LDLRAD3: variants seen among roughly 807,000 people sequenced by gnomAD.
The protein encoded by LDLRAD3 is low density lipoprotein receptor class A domain containing 3.
Under a neutral mutation model 29.4 loss-of-function variants are expected in LDLRAD3, and 20 were observed. The observed-to-expected ratio is 0.68, with a 90% CI of 0.48 to 0.99. LDLRAD3 has a LOEUF of 0.99. LDLRAD3 is among the 50% of genes least tolerant of loss of function. The pLI, the probability that LDLRAD3 is intolerant of heterozygous loss-of-function variation, is 0.00. For missense variants in LDLRAD3, 420 were observed against 454.3 expected (o/e 0.92, Z 0.69); for synonymous variants, 157 against 192.7 (o/e 0.81, Z 1.53).
chr11:36,130,912 C>G (rs1853916631), intron 4 of LDLRAD3, among the ~76,000 whole-genome samples: 1 of 152,174 alleles, frequency 6.6e-6, no homozygotes, highest in Non-Finnish European at 1.5e-5. Flanking sequence ...TCATGGACTG[C>G]CTCCCATTCT....
chr11:36,130,275 C>T (rs1565244395), intron 4 of LDLRAD3, among the ~76,000 whole-genome samples: 1 of 151,972 alleles, frequency 6.6e-6, no homozygotes, highest in Non-Finnish European at 1.5e-5. Flanking sequence ...AGAGTCTTCC[C>T]GGTGGAGGGA....
intron 1 of LDLRAD3, among the ~76,000 whole-genome samples, chr11:36,006,086 A>T (rs773863986): frequency 1.1e-4 from 16 of 152,106 alleles, no homozygotes; most frequent in Non-Finnish European, 1.6e-4. Flanking sequence ...CCCACTATAG[A>T]TGCCCAGTCG....
chr11:36,186,563 C>A (rs757755120), intron 4 of LDLRAD3, among the ~76,000 whole-genome samples: 1 of 152,178 alleles, frequency 6.6e-6, no homozygotes, highest in Admixed American at 6.5e-5. Flanking sequence ...TGCCAAGAGA[C>A]ATGTGAGTTA....
In LDLRAD3 at chr11:36,227,183, C is replaced by A. The variant is rs1230889226; in HGVS notation, c.553C>A (p.Leu185Met). 1.4e-5 allele frequency: 23 copies of A among 1,614,048 alleles called. No individual in the cohort carries two copies. The highest frequency in any genetic ancestry group is 1.9e-5 in the Non-Finnish European group (23 of 1,180,024). ...AIIGSSVIFV[L>M]VVALLALVLH... ...CATCGGCAGCTCCGTCATTTTTGTG[C>A]TGGTGGTGGCCCTGCTGGCACTGGT... The change falls in exon 5 of 6, where the codon CTG becomes ATG. Residue 185 changes from leucine (L) to methionine (M), a missense_variant. By Grantham distance (15) the Leu-to-Met change is conservative. This residue lies in a region of LDLRAD3 where 56 missense variants were observed against 92.2 expected (regional missense o/e 0.61). Coordinates refer to ENST00000315571, the MANE Select transcript of LDLRAD3 (RefSeq NM_174902.4).
chr11:36,110,844 A>G (rs1853595540), intron 4 of LDLRAD3, among the ~76,000 whole-genome samples: 1 of 152,168 alleles, frequency 6.6e-6, no homozygotes, highest in Non-Finnish European at 1.5e-5. Context: ...GAGGCTGGCA[A>G]GGAGTGACAG....
intron 4 of LDLRAD3, among the ~76,000 whole-genome samples, chr11:36,209,969 G>C (rs1443365280): frequency 6.6e-6 from 1 of 152,246 alleles, no homozygotes; most frequent in Non-Finnish European, 1.5e-5. Context: ...GGAAGCCCAT[G>C]GCTAGGAGAG....
At chr11:36,107,891 A>G (rs186621553) in intron 4 of LDLRAD3, among the ~76,000 whole-genome samples, 176 of 152,336 alleles carry the variant, frequency 1.2e-3, no homozygotes, top group Non-Finnish European at 2.2e-3. Context: ...TGCCCAGGAG[A>G]CAAAGGCACG....
At chr11:36,068,861 A>G (rs1291055135) in intron 2 of LDLRAD3, among the ~76,000 whole-genome samples, 1 of 152,194 alleles carries the variant, frequency 6.6e-6, no homozygotes, top group East Asian at 1.9e-4. Context: ...TGACCTCTTA[A>G]CCCTAGGCTG....
intron 1 of LDLRAD3, among the ~76,000 whole-genome samples, chr11:35,981,098 G>A (rs1293851684): frequency 3.3e-5 from 5 of 152,110 alleles, no homozygotes; most frequent in African/African-American, 1.2e-4. Context: ...GTTTCCCTTT[G>A]GGGCCATGGT....
chr11:36,071,017 C>G (rs1046754114), intron 2 of LDLRAD3, among the ~76,000 whole-genome samples: 1 of 152,084 alleles, frequency 6.6e-6, no homozygotes, highest in African/African-American at 2.4e-5. Flanking sequence ...ATGCCCTGTA[C>G]CCGGTGCAAA....
At chr11:36,218,256 G>T (rs559664960) in intron 4 of LDLRAD3, among the ~76,000 whole-genome samples, 8 of 152,164 alleles carry the variant, frequency 5.3e-5, no homozygotes, top group Admixed American at 1.3e-4. Flanking sequence ...AAGGCAAATG[G>T]TGTTCCTCAT....
intron 3 of LDLRAD3, among the ~76,000 whole-genome samples, chr11:36,090,296 G>A (rs947121080): frequency 7.2e-5 from 11 of 152,234 alleles, no homozygotes; most frequent in Admixed American, 6.5e-4. Context: ...CATGATGGGA[G>A]ACTGGGGAAC....
At position 36,229,309 on chromosome 11, in the gene LDLRAD3, C is replaced by T. The variant is rs1855543399; in HGVS notation, c.950C>T (p.Thr317Ile). The change falls in exon 6 of 6, where the codon ACC becomes ATC. Residue 317 changes from threonine to isoleucine, a missense_variant. Transcript: ENST00000315571. The stretch of plus-strand genomic sequence containing the variant: ...AGCAGCCTCCTGAGCGTGGAAGACA[C>T]CAGCCACAGCCCGGGGCAGCCTGGC... Reference protein sequence around the residue: ...AASSLLSVEDTSHSPGQPGPQ... With the variant: ...AASSLLSVEDISHSPGQPGPQ... 6.2e-7 allele frequency: 1 copy of T among 1,614,008 alleles called. No homozygotes were observed. The highest frequency in any genetic ancestry group is 1.1e-5 in the South Asian group (1 of 91,086).
At position 36,103,549 on chromosome 11, in the gene LDLRAD3, T is replaced by C. The variant is rs149183294; in HGVS notation, c.454+5088T>C. Among the ~76,000 whole-genome samples, 257 of 152,296 alleles carry C rather than the reference T, an allele frequency of 1.7e-3. 1 individual carries two copies. Among genetic ancestry groups the C allele is most frequent in the African/African-American group, 4.4e-3 (181 of 41,574 alleles). ...CCACCGTGCCTGGCCCAGTATTTAA[T>C]CATTCTTAAGTGTGTATGTGTCCTG... On this transcript the variant is annotated intron_variant, in intron 4 of 5. Coordinates refer to ENST00000315571, the MANE Select transcript of LDLRAD3 (RefSeq NM_174902.4).
chr11:36,065,666 T>G (rs1849522386), intron 2 of LDLRAD3, among the ~76,000 whole-genome samples: 1 of 152,242 alleles, frequency 6.6e-6, no homozygotes, highest in South Asian at 2.1e-4. Flanking sequence ...GGGAACAGCC[T>G]GAAGGAGCCT....
chr11:36,137,865 A>T (rs994591435), intron 4 of LDLRAD3, among the ~76,000 whole-genome samples: 10 of 152,140 alleles, frequency 6.6e-5, no homozygotes, highest in Admixed American at 1.3e-4. Flanking sequence ...TTACATATTT[A>T]TTTGCTTCTG....
chr11:35,970,134 T>C (rs1305618734), intron 1 of LDLRAD3, among the ~76,000 whole-genome samples: 1 of 152,194 alleles, frequency 6.6e-6, no homozygotes, highest in Non-Finnish European at 1.5e-5. Flanking sequence ...TTTAATCCTC[T>C]CACAATCATT....
At chr11:36,216,102 G>A (rs11605927) in intron 4 of LDLRAD3, among the ~76,000 whole-genome samples, 1 of 152,120 alleles carries the variant, frequency 6.6e-6, no homozygotes, top group Admixed American at 6.5e-5. Context: ...TGATGATGCC[G>A]AACCTTAACT....
At chr11:36,141,249 C>T (rs190557854) in intron 4 of LDLRAD3, among the ~76,000 whole-genome samples, 8 of 152,160 alleles carry the variant, frequency 5.3e-5, no homozygotes, top group African/African-American at 1.9e-4. Flanking sequence ...TTTCTTTGGT[C>T]CTTGGCTAAG....
Sources: gnomAD v4.1 joint callset for allele counts (sites outside exome capture counted in the v4.1 genomes callset) on GRCh38, gnomAD v4.1.1 for gene constraint, gnomAD v4.1.1 regional missense constraint, MANE v1.5 for transcripts, NCBI Gene and HGNC (gene_info 2026-07-23, HGNC 2026-07-21) for gene names.